KDM2B: variants seen among roughly 807,000 people sequenced by gnomAD.
KDM2B encodes lysine-specific demethylase 2B.
Under a neutral mutation model 150.0 loss-of-function variants are expected in KDM2B, and 26 were observed. That is an observed-to-expected ratio of 0.17 (90% CI 0.13 to 0.24). The LOEUF is 0.24. KDM2B is among the 10% of genes least tolerant of loss of function. The probability of loss-of-function intolerance (pLI) is 1.00; values close to 1 mark genes in which losing one functional copy is unlikely to be tolerated. For synonymous variants in KDM2B, 734 were observed against 729.5 expected, an observed-to-expected ratio of 1.01 and a Z score of -0.10; for missense variants, 1,265 against 1,816.9, an observed-to-expected ratio of 0.70 and a Z score of 5.52.
At chr12:121,432,983 G>A (rs1467965906) in intron 22 of KDM2B, 29 of 375,174 alleles carry the variant, frequency 7.7e-5, no homozygotes, top group African/African-American at 2.8e-4. Context: ...GCTGTCAGAC[G>A]GCTGAGGGGG....
chr12:121,567,588 T>C (rs960478569), intron 4 of KDM2B, among the ~76,000 whole-genome samples: 15 of 151,620 alleles, frequency 9.9e-5, no homozygotes, highest in Non-Finnish European at 2.1e-4. Flanking sequence ...GAAAACCACA[T>C]GAGGGCAGGG....
chr12:121,420,645 AG>A, the KDM2B span: 1 of 1,614,194 alleles, frequency 6.2e-7, no homozygotes, highest in Non-Finnish European at 8.5e-7. Flanking sequence ...ATGATGTGGA[AG>A]GAATGAGCGT....
At chr12:121,425,864 T>C (rs1182000403), downstream of KDM2B, among the ~76,000 whole-genome samples, 1 of 151,842 alleles carries the variant, frequency 6.6e-6, no homozygotes, top group African/African-American at 2.4e-5. Context: ...CCTCCTGGGT[T>C]CATGCCATTC....
At chr12:121,551,112 T>C (rs1448027143) in intron 4 of KDM2B, among the ~76,000 whole-genome samples, 1 of 152,160 alleles carries the variant, frequency 6.6e-6, no homozygotes, top group Non-Finnish European at 1.5e-5. Flanking sequence ...AGAACTCTCA[T>C]GGAACTTAGA....
chr12:121,581,214 C>T (rs139389236), upstream of KDM2B: 34 of 300,002 alleles, frequency 1.1e-4, no homozygotes, highest in African/African-American at 6.5e-4. Flanking sequence ...GCGAAAGACG[C>T]AGAGAATTGG....
rs547459856 is a variant in KDM2B, at chr12:121,483,330, A to G, written c.1734+11249T>C. Among the ~76,000 whole-genome samples the G allele has an allele frequency of 2.6e-5, 4 of 152,158 alleles. No homozygotes were observed. The South Asian group carries it at 6.2e-4, about 24-fold the overall frequency. ...AGCTCCAGTCTCAAGATGCTAGTGG[A>G]GGCTCCGTTCACATATGTCCAGTCA... On this transcript the variant is annotated intron_variant, in intron 12 of 22. Coordinates refer to ENST00000377071, the MANE Select transcript of KDM2B (RefSeq NM_032590.5).
chr12:121,422,911 C>G, the KDM2B span, among the ~76,000 whole-genome samples: 1 of 141,930 alleles, frequency 7.0e-6, no homozygotes, highest in Non-Finnish European at 1.5e-5. Context: ...TCCTAACTTT[C>G]CTAAGGGGGA....
chr12:121,421,141 C>A, the KDM2B span, among the ~76,000 whole-genome samples: 3 of 152,034 alleles, frequency 2.0e-5, no homozygotes, highest in African/African-American at 4.8e-5. Flanking sequence ...ACTTTTAAAT[C>A]TAACAGTAGG....
chr12:121,501,010 A>G (rs1223840362), intron 11 of KDM2B, among the ~76,000 whole-genome samples: 3 of 152,192 alleles, frequency 2.0e-5, no homozygotes, highest in African/African-American at 2.4e-5. Context: ...ATGAGGCAGG[A>G]GAATTGCTGG....
Position 121,580,811 on chromosome 12 carries a change from C to T in KDM2B, c.101G>A (p.Cys34Tyr), listed in dbSNP as rs1274000933. 8.7e-6 allele frequency: 14 copies of T among 1,613,698 alleles called. No individual in the cohort carries two copies. Among genetic ancestry groups the T allele is most frequent in the Non-Finnish European group, 1.2e-5 (14 of 1,179,844 alleles). ...QKKKTVIYTK[C>Y]FEFESATQRP... ...CTGTGTGGCCGACTCAAATTCAAAG[C>T]ATTTTGTATATATAACTGTTTTCTT... The change falls in exon 1 of 23, where the codon TGC (cysteine) becomes TAC (tyrosine). Residue 34 changes from cysteine to tyrosine, a missense_variant. By Grantham distance (194) the Cys-to-Tyr change is radical. This residue lies in a region of KDM2B where 53 missense variants were observed against 56.0 expected (regional missense o/e 0.95). Transcript: ENST00000377071.
chr12:121,439,745 A>C, intron 22 of KDM2B, 112 bp downstream of exon 22: 1 of 783,734 alleles, frequency 1.3e-6, no homozygotes, highest in South Asian at 1.6e-5. Context: ...TAAACGAGAC[A>C]CCTAGCACTG....
chr12:121,460,450 G>A (rs1286555768), intron 12 of KDM2B, among the ~76,000 whole-genome samples: 3 of 152,226 alleles, frequency 2.0e-5, no homozygotes, highest in African/African-American at 7.2e-5. Context: ...CCAGGCTGGA[G>A]TGCAGTGGCG....
chr12:121,429,827 A>C lies in KDM2B; in HGVS notation c.*461T>G. Reference sequence around the variant, plus strand: ...AATTTGTACAAAAATAGTTCTGCATAATGTAAGATGTAACAAAACCAACCA... The same window carrying C: ...AATTTGTACAAAAATAGTTCTGCATCATGTAAGATGTAACAAAACCAACCA... On this transcript the variant is annotated 3_prime_UTR_variant, in exon 23 of 23. Transcript: ENST00000377071. The C allele has an allele frequency of 3.6e-6, 2 of 557,584 alleles. No homozygotes were observed. The highest frequency in any genetic ancestry group is 6.3e-6 in the Non-Finnish European group (2 of 316,108). 34.5% of individuals were successfully genotyped at this position (557,584 alleles called of 1,614,324 possible).
In KDM2B at chr12:121,575,660, C is replaced by G. The variant is rs1297490097; in HGVS notation, c.350+121G>C. ...GAACAAGGAGATGCTGTTCCCAGAT[C>G]GTGAAAAAAGATCCTTCTCAGTGAT... is the stretch of plus-strand genomic sequence containing the variant. On this transcript the variant is annotated intron_variant, in intron 3 of 22. Coordinates refer to ENST00000377071, the MANE Select transcript of KDM2B (RefSeq NM_032590.5). This position sits in a 1 kb window ranked among gnomAD's most constrained non-coding sequence, Gnocchi z 4.4. The G allele has an allele frequency of 5.3e-6, 4 of 750,354 alleles. No individual in the cohort carries two copies. The highest frequency in any genetic ancestry group is 2.5e-5 in the East Asian group (1 of 40,306). The allele number at this position is 750,354 out of a possible 1,614,324, so 46.5% of individuals were successfully genotyped here.
chr12:121,559,231 G>A (rs1408799100), intron 4 of KDM2B, among the ~76,000 whole-genome samples: 6 of 152,068 alleles, frequency 3.9e-5, no homozygotes, highest in South Asian at 2.1e-4. Flanking sequence ...CCAAGTGACC[G>A]TCTTAGGAGC....
At chr12:121,414,592 G>A in the KDM2B span, among the ~76,000 whole-genome samples, 2 of 152,204 alleles carry the variant, frequency 1.3e-5, no homozygotes, top group Non-Finnish European at 2.9e-5. Flanking sequence ...GCCTTGGAAG[G>A]TCATGATGGT....
rs71453557 is a variant in KDM2B, at chr12:121,431,295, CTTTTTTTT to C, written c.3830-834_3830-827del. Among the ~76,000 whole-genome samples the C allele has an allele frequency of 2.7e-3, 270 of 98,952 alleles. 4 individuals are homozygous for C. Among genetic ancestry groups the C allele is most frequent in the East Asian group, 0.021 (66 of 3,202 alleles). The allele number at this position is 98,952 out of a possible 152,430, so 64.9% of individuals were successfully genotyped here. ...TATAGGCGTGTGCCACCATGTGCAA[CTTTTTTTT>C]TTTTTTTTTTTTTTTTTTTGTAGTA... On this transcript the variant is annotated intron_variant, in intron 22 of 22. Transcript: ENST00000377071.
the KDM2B span, among the ~76,000 whole-genome samples, chr12:121,422,282 G>A: frequency 6.6e-6 from 1 of 152,130 alleles, no homozygotes; most frequent in African/African-American, 2.4e-5. Flanking sequence ...GAGCACAGCT[G>A]GCATCTTTCC....
At chr12:121,475,995 G>C (rs1329113882) in intron 12 of KDM2B, among the ~76,000 whole-genome samples, 2 of 147,776 alleles carry the variant, frequency 1.4e-5, no homozygotes, top group African/African-American at 5.0e-5. Context: ...GAGACTCTGT[G>C]TCCAAAAAAA....
Sources: allele counts gnomAD v4.1 joint callset (sites outside exome capture counted in the v4.1 genomes callset), GRCh38; gene constraint gnomAD v4.1.1; regional missense constraint gnomAD v4.1.1; non-coding constraint Gnocchi (gnomAD v3.1); transcripts MANE v1.5; gene names NCBI Gene and HGNC (gene_info 2026-07-23, HGNC 2026-07-21).